The following DTNB variants were observed in gnomAD, a reference collection of about 807,000 sequenced individuals.
DTNB encodes the protein dystrobrevin beta, also known as DTN-B.
In DTNB, 63 loss-of-function variants were observed where a neutral mutation model predicts 90.7. The ratio of observed to expected loss-of-function variants is 0.69; its 90% CI spans 0.57 to 0.86. The LOEUF (loss-of-function observed/expected upper bound fraction) is 0.86, where lower values mean the gene tolerates loss of function less well. DTNB is among the 40% of genes least tolerant of loss of function. The pLI, the probability that DTNB is intolerant of heterozygous loss-of-function variation, is 0.00. For missense variants in DTNB, 744 were observed against 807.1 expected (o/e 0.92, Z 0.95); for synonymous variants, 277 against 286.7 (o/e 0.97, Z 0.34).
At chr2:25,455,633 C>T in intron 10 of DTNB, 139 bp from the exon 11 acceptor site, 2 of 689,174 alleles carry the variant, frequency 2.9e-6, no homozygotes, top group Non-Finnish European at 4.8e-6. Flanking sequence ...ATAAAAAACC[C>T]ACAATGCATA....
chr2:25,381,561 A>G (rs940609474), intron 19 of DTNB, among the ~76,000 whole-genome samples: 2 of 152,120 alleles, frequency 1.3e-5, no homozygotes, highest in African/African-American at 4.8e-5. Flanking sequence ...TTTTTTGTAG[A>G]GATGGGGTCT....
At chr2:25,638,066 G>A (rs983190068) in intron 3 of DTNB, among the ~76,000 whole-genome samples, 6 of 152,194 alleles carry the variant, frequency 3.9e-5, no homozygotes, top group African/African-American at 1.4e-4. Context: ...GTAGGGACAT[G>A]GATGAAGCTG....
intron 1 of DTNB, among the ~76,000 whole-genome samples, chr2:25,658,736 T>C (rs2082557520): frequency 6.6e-6 from 1 of 152,018 alleles, no homozygotes; most frequent in Admixed American, 6.6e-5. Context: ...AACAGGAAAA[T>C]GATCAGTGGT....
At chr2:25,392,480 T>C (rs1573757996) in intron 16 of DTNB, among the ~76,000 whole-genome samples, 1 of 152,104 alleles carries the variant, frequency 6.6e-6, no homozygotes, top group African/African-American at 2.4e-5. Flanking sequence ...AAAAGATAAA[T>C]AAAATTGATA....
At chr2:25,627,092 T>A (rs967806230) in intron 4 of DTNB, among the ~76,000 whole-genome samples, 101 of 152,268 alleles carry the variant, frequency 6.6e-4, no homozygotes, top group African/African-American at 2.4e-3. Flanking sequence ...AATGAAAAAA[T>A]TTAAAATAGG....
At chr2:25,668,963 CAT>C (rs1356043930) in intron 1 of DTNB, among the ~76,000 whole-genome samples, 2 of 152,228 alleles carry the variant, frequency 1.3e-5, no homozygotes, top group African/African-American at 4.8e-5. Context: ...AATTTTCACA[CAT>C]GCTACAATAT....
intron 2 of DTNB, among the ~76,000 whole-genome samples, chr2:25,640,749 G>A (rs950352578): frequency 7.2e-5 from 11 of 152,106 alleles, no homozygotes; most frequent in Admixed American, 2.6e-4. Flanking sequence ...GCTCATGCCT[G>A]TAATCCCAGC....
chr2:25,605,723 T>C (rs1241876891), intron 5 of DTNB, among the ~76,000 whole-genome samples: 1 of 152,318 alleles, frequency 6.6e-6, no homozygotes, highest in East Asian at 1.9e-4. Flanking sequence ...AAAGATGGTA[T>C]ATATATTCTT....
rs368111249 is a variant in DTNB, at chr2:25,456,679, T to C, written c.1080-1185A>G. On this transcript the variant is annotated intron_variant, in intron 10 of 20. Coordinates refer to ENST00000406818, the MANE Select transcript of DTNB (RefSeq NM_021907.5). ...CCTCTGCCTCCTGGGTTCAAGCGAT[T>C]CTCCTGTCTCAGCCTCCCAAGTAGC... is the stretch of plus-strand genomic sequence containing the variant. Among the ~76,000 whole-genome samples the C allele has an allele frequency of 1.9e-4, 29 of 152,124 alleles. No individual in the cohort carries two copies. The East Asian group carries it at 1.9e-3, about 10-fold the overall frequency.
At chr2:25,382,663 C>T (rs2038189332) in intron 19 of DTNB, among the ~76,000 whole-genome samples, 1 of 150,880 alleles carries the variant, frequency 6.6e-6, no homozygotes, top group Non-Finnish European at 1.5e-5. Context: ...CGAGTAGCTG[C>T]GATTACAGGC....
chr2:25,667,859 G>C (rs2084852400), intron 1 of DTNB, among the ~76,000 whole-genome samples: 1 of 152,148 alleles, frequency 6.6e-6, no homozygotes, highest in African/African-American at 2.4e-5. Context: ...CCAAAAACTA[G>C]AAGCAACCAA....
chr2:25,482,962 C>T (rs774910681), intron 9 of DTNB, 89 bp from the exon 10 acceptor site: 4 of 1,332,718 alleles, frequency 3.0e-6, no homozygotes, highest in East Asian at 2.6e-5. Context: ...AGCAAAGGGA[C>T]CAATCATCAT....
chr2:25,381,508 C>A (rs1307609371), intron 19 of DTNB, among the ~76,000 whole-genome samples: 18 of 152,126 alleles, frequency 1.2e-4, no homozygotes, highest in Admixed American at 1.2e-3. Context: ...GCCTCCAAAG[C>A]AGCTGGGACT....
At chr2:25,446,793 T>C (rs1416683379) in intron 12 of DTNB, among the ~76,000 whole-genome samples, 1 of 152,238 alleles carries the variant, frequency 6.6e-6, no homozygotes, top group East Asian at 1.9e-4. Context: ...GAACACATTT[T>C]GGAAACTTAG....
intron 9 of DTNB, among the ~76,000 whole-genome samples, chr2:25,508,267 T>C (rs182106439): frequency 3.6e-3 from 552 of 152,280 alleles, no homozygotes; most frequent in Non-Finnish European, 6.4e-3. Flanking sequence ...GCTGAATGAC[T>C]GATAAACAGA....
intron 8 of DTNB, chr2:25,558,106 C>T (rs905680186): frequency 7.5e-5 from 56 of 744,542 alleles, no homozygotes; most frequent in Middle Eastern, 6.7e-4. Flanking sequence ...TCATCAAAGG[C>T]GATCCAAAGG....
At chr2:25,442,388 T>A (rs2057616613) in intron 12 of DTNB, among the ~76,000 whole-genome samples, 1 of 152,190 alleles carries the variant, frequency 6.6e-6, no homozygotes, top group African/African-American at 2.4e-5. Context: ...TCCAGTCACC[T>A]AGAGGGATTT....
chr2:25,608,957 A>ACATTCAGT (rs1341414564), intron 4 of DTNB, among the ~76,000 whole-genome samples: 1 of 152,196 alleles, frequency 6.6e-6, no homozygotes, highest in East Asian at 1.9e-4. Context: ...AGGGGCAGCT[A>ACATTCAGT]CATTCAGTGT....
rs995447296 is a variant in DTNB, at chr2:25,667,494, C to CA, written c.-2+5891dup. Among the ~76,000 whole-genome samples, 1,055 of 146,348 alleles carry CA rather than the reference C, an allele frequency of 7.2e-3. 10 individuals carry two copies. The highest frequency in any genetic ancestry group is 0.025 in the African/African-American group (988 of 39,912). ...TAGGCGACAGAGCCAGACTCCATCT[C>CA]AAAAAAAAAAGTCTGTACTTCAAAA... On this transcript the variant is annotated intron_variant, in intron 1 of 20. Coordinates refer to ENST00000406818, the MANE Select transcript of DTNB (RefSeq NM_021907.5).
Sources: gnomAD v4.1 joint callset for allele counts (sites outside exome capture counted in the v4.1 genomes callset) on GRCh38, gnomAD v4.1.1 for gene constraint, MANE v1.5 for transcripts, NCBI Gene and HGNC (gene_info 2026-07-23, HGNC 2026-07-21) for gene names.